USP34: variants seen among roughly 807,000 people sequenced by gnomAD.
USP34 encodes ubiquitin carboxyl-terminal hydrolase 34.
In USP34, 70 loss-of-function variants were observed where a neutral mutation model predicts 460.3. The observed-to-expected ratio is 0.15, with a 90% CI of 0.13 to 0.19. The LOEUF (loss-of-function observed/expected upper bound fraction) is 0.19, where lower values mean the gene tolerates loss of function less well. Ranked by LOEUF, USP34 falls within the 10% of genes least tolerant of loss-of-function variation. The probability of loss-of-function intolerance (pLI) is 1.00; values close to 1 mark genes in which losing one functional copy is unlikely to be tolerated. For missense variants in USP34, 3,985 were observed against 4,236.2 expected (o/e 0.94, Z 1.65); for synonymous variants, 1,647 against 1,405.3 (o/e 1.17, Z -3.85).
At chr2:61,437,553 C>A (rs2104014321) in intron 1 of USP34, among the ~76,000 whole-genome samples, 1 of 152,120 alleles carries the variant, frequency 6.6e-6, no homozygotes, top group South Asian at 2.1e-4. Context: ...GTAGGCAGAT[C>A]ACGAGGTCAG....
chr2:61,231,648 G>T (rs925863983), intron 58 of USP34, among the ~76,000 whole-genome samples: 1 of 151,740 alleles, frequency 6.6e-6, no homozygotes, highest in Non-Finnish European at 1.5e-5. Context: ...CCAGGAGGTG[G>T]AAGCTGCAGT....
intron 44 of USP34, 57 bp downstream of exon 44, chr2:61,259,654 A>C: frequency 5.8e-6 from 9 of 1,553,816 alleles, no homozygotes. Context: ...CCAAAATGCT[A>C]TAATTACAGG....
At chr2:61,369,997 A>AC (rs1225497176) in intron 10 of USP34, among the ~76,000 whole-genome samples, 1 of 151,668 alleles carries the variant, frequency 6.6e-6, no homozygotes, top group Non-Finnish European at 1.5e-5. Context: ...AAAAAAAAAA[A>AC]AAAAACAGTA....
chr2:61,230,807 G>A (rs190896618), intron 58 of USP34, among the ~76,000 whole-genome samples: 2 of 147,758 alleles, frequency 1.4e-5, no homozygotes, highest in African/African-American at 2.5e-5. Context: ...CCACGGCACT[G>A]CACTCTAGCC....
Position 61,406,135 on chromosome 2 carries a change from G to C in USP34, c.132-7C>G. On this transcript the variant is annotated splice_polypyrimidine_tract_variant and splice_region_variant and intron_variant, in intron 2 of 79. Coordinates refer to ENST00000398571, the MANE Select transcript of USP34 (RefSeq NM_014709.4). ...GAAGCAGCATAGACATTGCCTATAA[G>C]AGAAAAAAAATTGAATAAATTAGTA... 6.6e-7 allele frequency: 1 copy of C among 1,525,018 alleles called. No homozygotes were observed. Among genetic ancestry groups the C allele is most frequent in the East Asian group, 2.3e-5 (1 of 43,352 alleles). The allele number at this position is 1,525,018 out of a possible 1,614,324, so 94.5% of individuals were successfully genotyped here.
chr2:61,391,848 A>G (rs1182844006), intron 5 of USP34, among the ~76,000 whole-genome samples: 2 of 152,218 alleles, frequency 1.3e-5, no homozygotes, highest in Non-Finnish European at 2.9e-5. Context: ...GAGCCAATCT[A>G]CAATATTTTT....
intron 21 of USP34, among the ~76,000 whole-genome samples, chr2:61,320,882 T>C (rs1481117011): frequency 6.6e-6 from 1 of 151,786 alleles, no homozygotes; most frequent in Non-Finnish European, 1.5e-5. Context: ...TGGTGGTGGG[T>C]GCCTGTAATC....
chr2:61,426,106 T>C (rs1694504474), intron 1 of USP34, among the ~76,000 whole-genome samples: 1 of 152,072 alleles, frequency 6.6e-6, no homozygotes, highest in Non-Finnish European at 1.5e-5. Flanking sequence ...ATCCAAGTAC[T>C]ACATTGAGGG....
intron 75 of USP34, chr2:61,193,981 C>T (rs552750383): frequency 1.6e-5 from 6 of 365,422 alleles, no homozygotes; most frequent in African/African-American, 1.3e-4. Context: ...TCATAATTTT[C>T]ATGTCAGAAA....
chr2:61,388,863 T>C (rs886946552), intron 5 of USP34, among the ~76,000 whole-genome samples: 3 of 152,032 alleles, frequency 2.0e-5, no homozygotes, highest in Admixed American at 6.6e-5. Flanking sequence ...ACACACATGT[T>C]CACCAAAACA....
At position 61,260,815 on chromosome 2, in the gene USP34, C is replaced by T. The variant is rs563125340; in HGVS notation, c.5779-1039G>A. Among the ~76,000 whole-genome samples, 6 of 152,106 alleles carry T rather than the reference C, an allele frequency of 3.9e-5. No individual in the cohort carries two copies. The South Asian group carries it at 1.2e-3, about 32-fold the overall frequency. On this transcript the variant is annotated intron_variant, in intron 43 of 79. Transcript: ENST00000398571. ...ATACAAAAAAGTTCAGGAATAAAGA[C>T]CTGGATTTATATTTTTATTATTAGA...
chr2:61,351,413 A>G (rs1161426745), intron 10 of USP34, among the ~76,000 whole-genome samples: 1 of 152,174 alleles, frequency 6.6e-6, no homozygotes, highest in Non-Finnish European at 1.5e-5. Flanking sequence ...ATGTAAATTC[A>G]TGAGGGACAA....
intron 1 of USP34, among the ~76,000 whole-genome samples, chr2:61,447,271 A>AAC (rs1179073319): frequency 6.7e-6 from 1 of 149,918 alleles, no homozygotes; most frequent in Non-Finnish European, 1.5e-5. Context: ...AAAAAAAAAA[A>AAC]AAAAAAAAAA....
chr2:61,217,277 T>C (rs1157289389), intron 67 of USP34, among the ~76,000 whole-genome samples: 2 of 152,246 alleles, frequency 1.3e-5, no homozygotes. Flanking sequence ...TCTAGTTGTA[T>C]GCTACAAAAA....
In USP34 at chr2:61,257,159, A is replaced by AT. The variant is rs751407570; in HGVS notation, c.5991+44dup. 49 of 1,582,144 alleles carry AT rather than the reference A, an allele frequency of 3.1e-5. No individual in the cohort carries two copies. In the South Asian group the frequency reaches 4.4e-4, roughly 14 times the overall value. The stretch of plus-strand genomic sequence containing the variant: ...AAGAAACTAGTTAAAACGCAGGCAA[A>AT]TTTGTTCAAATTTCAAAGAAACTTT... On this transcript the variant is annotated intron_variant, in intron 45 of 79. Coordinates refer to ENST00000398571, the MANE Select transcript of USP34 (RefSeq NM_014709.4).
intron 2 of USP34, chr2:61,416,927 C>T (rs1218309630): frequency 6.1e-5 from 70 of 1,138,906 alleles, no homozygotes; most frequent in African/African-American, 2.1e-4. Context: ...CCATGAATGG[C>T]GACATACTTG....
chr2:61,387,482 AGT>A (rs892451176), intron 5 of USP34, among the ~76,000 whole-genome samples: 1 of 150,148 alleles, frequency 6.7e-6, no homozygotes, highest in Non-Finnish European at 1.5e-5. Flanking sequence ...CAACAACAAA[AGT>A]GTGTGTGTGA....
At chr2:61,335,225 T>C (rs1005626286) in intron 18 of USP34, among the ~76,000 whole-genome samples, 10 of 152,208 alleles carry the variant, frequency 6.6e-5, no homozygotes, top group African/African-American at 2.4e-4. Context: ...AAAGATTAAA[T>C]TGTAGAATTT....
At chr2:61,247,412 T>C (rs1688446923) in intron 49 of USP34, among the ~76,000 whole-genome samples, 1 of 152,216 alleles carries the variant, frequency 6.6e-6, no homozygotes, top group African/African-American at 2.4e-5. Context: ...ACTGCATCAC[T>C]TGTGGCCTAA....
Sources: allele counts gnomAD v4.1 joint callset (sites outside exome capture counted in the v4.1 genomes callset), GRCh38; gene constraint gnomAD v4.1.1; transcripts MANE v1.5; gene names NCBI Gene and HGNC (gene_info 2026-07-23, HGNC 2026-07-21).